The following PRKAG2 variants were observed in gnomAD, a reference collection of about 807,000 sequenced individuals.
PRKAG2 encodes 5'-AMP-activated protein kinase subunit gamma-2.
PRKAG2 carries 26 observed loss-of-function variants against 69.6 expected under a neutral mutation model. The observed-to-expected ratio is 0.37, with a 90% confidence interval of 0.27 to 0.52. The LOEUF is 0.52. Among genes scored for constraint, PRKAG2 ranks in the 20% least tolerant of loss-of-function variants. The pLI is 0.90. For synonymous variants in PRKAG2, 293 were observed against 285.0 expected (o/e 1.03, Z -0.28); for missense variants, 557 against 740.0 (o/e 0.75, Z 2.87).
At chr7:151,830,597 T>C (rs1201640842) in intron 1 of PRKAG2, among the ~76,000 whole-genome samples, 1 of 151,720 alleles carries the variant, frequency 6.6e-6, no homozygotes, top group Non-Finnish European at 1.5e-5. Flanking sequence ...CTTCCAGAAA[T>C]CCATCTGTGC....
In PRKAG2 at chr7:151,836,416, G is replaced by A. The variant is rs965186805; in HGVS notation, c.114+40091C>T. 3.3e-5 allele frequency among the ~76,000 whole-genome samples: 5 copies of A among 152,196 alleles called. No homozygotes were observed. The highest frequency in any genetic ancestry group is 2.1e-4 in the South Asian group (1 of 4,832). ...GGTCCAGGCAGCTTCCCTGATCACC[G>A]CAGTGACGCTCCTGCTCAAGCTGGG... On this transcript the variant is annotated intron_variant, in intron 1 of 15. Transcript: ENST00000287878. This position sits in a 1 kb window ranked among gnomAD's most constrained non-coding sequence, Gnocchi z 4.1.
rs1803891614 is a variant in PRKAG2 at position 151,556,966 on chromosome 7, C to T, written c.*235G>A. On this transcript the variant is annotated 3_prime_UTR_variant, in exon 16 of 16. Transcript: ENST00000287878. Reference sequence around the variant, plus strand: ...GGACACAGTGCACTTTAATGACATACAGCATTTAAAATCCTTCAGACAAAG... The same window carrying T: ...GGACACAGTGCACTTTAATGACATATAGCATTTAAAATCCTTCAGACAAAG... The T allele has an allele frequency of 1.7e-6, 1 of 590,230 alleles. No homozygotes were observed. Among genetic ancestry groups the T allele is most frequent in the Admixed American group, 3.1e-5 (1 of 32,596 alleles). The allele number at this position is 590,230 out of a possible 1,614,324, so 36.6% of individuals were successfully genotyped here.
chr7:151,725,520 C>T (rs897926233), intron 3 of PRKAG2, among the ~76,000 whole-genome samples: 2 of 146,390 alleles, frequency 1.4e-5, no homozygotes, highest in Non-Finnish European at 3.0e-5. Flanking sequence ...AAGATGGGTA[C>T]ATTGGTAAAT....
At chr7:151,706,000 T>A (rs1838538006) in intron 3 of PRKAG2, among the ~76,000 whole-genome samples, 1 of 152,182 alleles carries the variant, frequency 6.6e-6, no homozygotes, top group South Asian at 2.1e-4. Flanking sequence ...CTCTTGAGTC[T>A]TGCTCATCAG....
chr7:151,616,484 T>G (rs985894313), intron 5 of PRKAG2, among the ~76,000 whole-genome samples: 1 of 152,160 alleles, frequency 6.6e-6, no homozygotes, highest in Admixed American at 6.5e-5. Context: ...GCAACTTGCA[T>G]CATGAACCTG....
intron 6 of PRKAG2, among the ~76,000 whole-genome samples, chr7:151,584,536 A>C (rs1585047941): frequency 6.6e-6 from 1 of 152,350 alleles, no homozygotes; most frequent in East Asian, 1.9e-4. Flanking sequence ...ATGGGAAAAG[A>C]ATATTAAAGA....
At chr7:151,681,493 G>A (rs895503857) in intron 3 of PRKAG2, among the ~76,000 whole-genome samples, 5 of 152,164 alleles carry the variant, frequency 3.3e-5, no homozygotes, top group African/African-American at 1.2e-4. Context: ...GGCATGGGGA[G>A]TGAACCCTCC....
At chr7:151,739,710 A>T (rs749494591) in intron 3 of PRKAG2, among the ~76,000 whole-genome samples, 15 of 151,970 alleles carry the variant, frequency 9.9e-5, no homozygotes, top group Non-Finnish European at 2.1e-4. Context: ...GCTTCAAGTG[A>T]TCCACCCGCC....
At chr7:151,691,436 A>G (rs1835640799) in intron 3 of PRKAG2, among the ~76,000 whole-genome samples, 1 of 152,000 alleles carries the variant, frequency 6.6e-6, no homozygotes, top group South Asian at 2.1e-4. Flanking sequence ...AGCAGAGTAT[A>G]TAAAGAACTC....
chr7:151,607,427 G>A (rs1320911535), intron 5 of PRKAG2, among the ~76,000 whole-genome samples: 1 of 151,826 alleles, frequency 6.6e-6, no homozygotes, highest in African/African-American at 2.4e-5. Flanking sequence ...ATTACATCTG[G>A]CTAACTTTTT....
chr7:151,847,938 G>A (rs2079473451), intron 1 of PRKAG2, among the ~76,000 whole-genome samples: 1 of 152,198 alleles, frequency 6.6e-6, no homozygotes, highest in Non-Finnish European at 1.5e-5. Flanking sequence ...TCCATGGTGG[G>A]AACATTTACA....
At chr7:151,559,612 G>T in intron 15 of PRKAG2, 1 of 985,162 alleles carries the variant, frequency 1.0e-6, no homozygotes, top group Non-Finnish European at 1.2e-6. Flanking sequence ...TCTTGCAGGT[G>T]GTGAAGATTC....
At chr7:151,783,120 G>A (rs893190754) in intron 2 of PRKAG2, among the ~76,000 whole-genome samples, 7 of 152,296 alleles carry the variant, frequency 4.6e-5, no homozygotes, top group Admixed American at 3.9e-4. Flanking sequence ...CCCAAGCCCC[G>A]AGCCCGCGGC....
At chr7:151,733,029 G>T (rs1256955483) in intron 3 of PRKAG2, among the ~76,000 whole-genome samples, 22 of 152,154 alleles carry the variant, frequency 1.4e-4, no homozygotes, top group Admixed American at 1.4e-3. Context: ...CGTTCAGCTG[G>T]GTCTTGAGAA....
At position 151,671,107 on chromosome 7, in the gene PRKAG2, G is replaced by A. The variant is rs1171489620; in HGVS notation, c.684+4313C>T. On this transcript the variant is annotated intron_variant, in intron 4 of 15. Coordinates refer to ENST00000287878, the MANE Select transcript of PRKAG2 (RefSeq NM_016203.4). ...GAGAATTGCTTGAACCCAGAAGGCAGAGGTTGCAGTGAGCTGAGATCGCGG... is the reference window on the plus strand; with the variant it reads ...GAGAATTGCTTGAACCCAGAAGGCAAAGGTTGCAGTGAGCTGAGATCGCGG... 6.1e-4 allele frequency among the ~76,000 whole-genome samples: 85 copies of A among 139,280 alleles called. 1 individual carries two copies. The highest frequency in any genetic ancestry group is 1.2e-4 in the Non-Finnish European group (8 of 66,122). The allele number at this position is 139,280 out of a possible 152,430, so 91.4% of individuals were successfully genotyped here.
At chr7:151,778,056 C>G (rs1018641175) in intron 3 of PRKAG2, among the ~76,000 whole-genome samples, 2 of 152,058 alleles carry the variant, frequency 1.3e-5, no homozygotes, top group Admixed American at 6.6e-5. Flanking sequence ...ACCAATGGAC[C>G]CCACCCAGAC....
chr7:151,804,177 C>T (rs1345957813), intron 1 of PRKAG2, among the ~76,000 whole-genome samples: 6 of 152,094 alleles, frequency 3.9e-5, no homozygotes, highest in Admixed American at 6.5e-5. Flanking sequence ...AATATCAGCA[C>T]GTAGGGATTT....
At chr7:151,578,873 G>T (rs1190276828) in intron 6 of PRKAG2, among the ~76,000 whole-genome samples, 1 of 152,148 alleles carries the variant, frequency 6.6e-6, no homozygotes, top group East Asian at 1.9e-4. Context: ...TGTGGTCCTA[G>T]AATATATTAT....
rs1024978737 is a variant in PRKAG2, at chr7:151,557,052, T to A, written c.*149A>T. ...TCAAGCACATAAAATCTTTCTTTTTTAAGCTTAATTTCAACATCACTGGAA... is the reference window on the plus strand; with the variant it reads ...TCAAGCACATAAAATCTTTCTTTTTAAAGCTTAATTTCAACATCACTGGAA... On this transcript the variant is annotated 3_prime_UTR_variant, in exon 16 of 16. Transcript: ENST00000287878. 4.5e-6 allele frequency: 6 copies of A among 1,340,884 alleles called. No homozygotes were observed. The highest frequency in any genetic ancestry group is 6.3e-6 in the Non-Finnish European group (6 of 949,848). 83.1% of individuals were successfully genotyped at this position (1,340,884 alleles called of 1,614,324 possible). A position where few individuals can be genotyped will look rare whatever the true frequency, so the allele number is the denominator to read the frequency against.
Sources: allele counts gnomAD v4.1 joint callset (sites outside exome capture counted in the v4.1 genomes callset), GRCh38; gene constraint gnomAD v4.1.1; non-coding constraint Gnocchi (gnomAD v3.1); transcripts MANE v1.5; gene names NCBI Gene and HGNC (gene_info 2026-07-23, HGNC 2026-07-21).